Variants in CCND1 observed in about 807,000 individuals in gnomAD.
The protein encoded by CCND1 is G1/S-specific cyclin-D1.
A neutral mutation model predicts 26.1 loss-of-function variants in CCND1; 9 were observed. The observed-to-expected ratio is 0.35, with a 90% CI of 0.21 to 0.60. CCND1 has a LOEUF of 0.60. Among genes scored for constraint, CCND1 ranks in the 20% least tolerant of loss-of-function variants. The probability of loss-of-function intolerance (pLI) is 0.79; values close to 1 mark genes in which losing one functional copy is unlikely to be tolerated. For missense variants in CCND1, 335 were observed against 392.9 expected (o/e 0.85, Z 1.25); for synonymous variants, 194 against 166.1 (o/e 1.17, Z -1.29).
At chr11:69,647,333 C>T (rs1416505094) in intron 3 of CCND1, among the ~76,000 whole-genome samples, 2 of 152,066 alleles carry the variant, frequency 1.3e-5, no homozygotes, top group South Asian at 2.1e-4. Context: ...GCTGGAAGAG[C>T]TCTTCCTTCC....
intron 4 of CCND1, 42 bp downstream of exon 4, chr11:69,648,184 CA>C (rs773381395): frequency 1.2e-6 from 2 of 1,608,882 alleles, no homozygotes; most frequent in South Asian, 1.1e-5. Context: ...CCGGGGCTTA[CA>C]GGGGGAGACA....
In CCND1 at chr11:69,641,322, C is replaced by G; in HGVS notation, c.9C>G (p.His3Gln). The G allele has an allele frequency of 2.5e-6, 4 of 1,612,024 alleles. No individual in the cohort carries two copies. Among genetic ancestry groups the G allele is most frequent in the Non-Finnish European group, 1.7e-6 (2 of 1,179,958 alleles). Residue 3 changes from histidine (H) to glutamine (Q), a missense_variant, in exon 1 of 5, where the codon CAC becomes CAG. His to Gln is a conservative substitution (Grantham distance 24). Coordinates refer to ENST00000227507, the MANE Select transcript of CCND1 (RefSeq NM_053056.3). MEHQLLCCEVETI... is the reference protein window; with the variant it reads MEQQLLCCEVETI... ...CAGGAAGAGCCCCAGCCATGGAACA[C>G]CAGCTCCTGTGCTGCGAAGTGGAAA...
chr11:69,647,668 A>C (rs1416634305), intron 3 of CCND1, among the ~76,000 whole-genome samples: 1 of 152,248 alleles, frequency 6.6e-6, no homozygotes, highest in Non-Finnish European at 1.5e-5. Flanking sequence ...AACATTCACA[A>C]GGCTCAAGAT....
intron 3 of CCND1, 129 bp downstream of exon 3, chr11:69,644,120 A>C (rs1855749102): frequency 6.8e-6 from 6 of 881,996 alleles, no homozygotes; most frequent in East Asian, 5.3e-5. Flanking sequence ...TGCGCTGGAG[A>C]GCGCTCTTCC....
intron 2 of CCND1, 110 bp downstream of exon 2, chr11:69,643,356 C>T (rs1294014167): frequency 2.4e-6 from 2 of 832,360 alleles, no homozygotes; most frequent in Non-Finnish European, 3.5e-6. Context: ...ATATCTGCTC[C>T]TCCGAGGGAG....
Position 69,652,309 on chromosome 11 carries a change from A to G in CCND1, c.*1027A>G, listed in dbSNP as rs1276942770. 4 of 233,474 alleles carry G rather than the reference A, an allele frequency of 1.7e-5. No individual in the cohort carries two copies. Among genetic ancestry groups the G allele is most frequent in the Non-Finnish European group, 2.5e-5 (3 of 118,038 alleles). 14.5% of individuals were successfully genotyped at this position (233,474 alleles called of 1,614,324 possible). A position where few individuals can be genotyped will look rare whatever the true frequency, so the allele number is the denominator to read the frequency against. ...TTCCATTTCCAAGCACTTTCAGTCC[A>G]ATAGGTGTAGGAAATAGCGCTGTTT... On this transcript the variant is annotated 3_prime_UTR_variant, in exon 5 of 5. Coordinates refer to ENST00000227507, the MANE Select transcript of CCND1 (RefSeq NM_053056.3).
intron 4 of CCND1, among the ~76,000 whole-genome samples, chr11:69,649,537 C>T (rs772124099): frequency 3.3e-5 from 5 of 152,168 alleles, no homozygotes; most frequent in African/African-American, 4.8e-5. Context: ...TTTTCTAGGG[C>T]GTGTTCTAGA....
At chr11:69,643,637 T>G in intron 2 of CCND1, 195 bp from the exon 3 acceptor site, 1 of 537,026 alleles carries the variant, frequency 1.9e-6, no homozygotes, top group African/African-American at 1.9e-5. Flanking sequence ...TGATCTGGGA[T>G]TGCGTGTTGC....
At chr11:69,646,380 G>C (rs181726755) in intron 3 of CCND1, among the ~76,000 whole-genome samples, 2 of 152,034 alleles carry the variant, frequency 1.3e-5, no homozygotes, top group African/African-American at 4.8e-5. Context: ...CTTTCTTCCC[G>C]GCCCCTCGCC....
At position 69,653,628 on chromosome 11, in the gene CCND1, C is replaced by T. The variant is rs1467513938; in HGVS notation, c.*2346C>T. 2.3e-5 allele frequency: 10 copies of T among 444,126 alleles called. No individual in the cohort carries two copies. The highest frequency in any genetic ancestry group is 7.8e-5 in the East Asian group (2 of 25,582). The allele number at this position is 444,126 out of a possible 1,614,324, so 27.5% of individuals were successfully genotyped here. A position where few individuals can be genotyped will look rare whatever the true frequency, so the allele number is the denominator to read the frequency against. ...GAGGCCGCGTGCGTGAGAACCGCGC[C>T]GGTGTCCCCAGAGACCAGGCTGTGT... On this transcript the variant is annotated 3_prime_UTR_variant, in exon 5 of 5. Coordinates refer to ENST00000227507, the MANE Select transcript of CCND1 (RefSeq NM_053056.3).
At position 69,653,252 on chromosome 11, in the gene CCND1, G is replaced by T. The variant is rs182627279; in HGVS notation, c.*1970G>T. On this transcript the variant is annotated 3_prime_UTR_variant, in exon 5 of 5. Transcript: ENST00000227507. Reference sequence around the variant, plus strand: ...TCCATTTTCTTATTGCGCTGCTACCGTTGACTTCCAGGCACGGTTTGGAAA... The same window carrying T: ...TCCATTTTCTTATTGCGCTGCTACCTTTGACTTCCAGGCACGGTTTGGAAA... 1,130 of 701,684 alleles carry T rather than the reference G, an allele frequency of 1.6e-3. 3 individuals carry two copies. The highest frequency in any genetic ancestry group is 2.7e-3 in the Admixed American group (133 of 49,748). The allele number at this position is 701,684 out of a possible 1,614,324, so 43.5% of individuals were successfully genotyped here. A position where few individuals can be genotyped will look rare whatever the true frequency, so the allele number is the denominator to read the frequency against.
chr11:69,641,488 A>G lies in CCND1; in HGVS notation c.175A>G (p.Ile59Val), dbSNP rs2120081597. 1 of 1,613,154 alleles carries G rather than the reference A, an allele frequency of 6.2e-7. No homozygotes were observed. Among genetic ancestry groups the G allele is most frequent in the Non-Finnish European group, 8.5e-7 (1 of 1,179,962 alleles). The change falls in exon 1 of 5, where the codon ATC becomes GTC. Residue 59 changes from isoleucine (I) to valine (V), a missense_variant. Ile to Val is a conservative substitution (Grantham distance 29). Coordinates refer to ENST00000227507, the MANE Select transcript of CCND1 (RefSeq NM_053056.3). ...GGAGGTCCTGCCGTCCATGCGGAAGATCGTCGCCACCTGGATGCTGGAGGT... is the reference window on the plus strand; with the variant it reads ...GGAGGTCCTGCCGTCCATGCGGAAGGTCGTCGCCACCTGGATGCTGGAGGT... ...QKEVLPSMRK[I>V]VATWMLEVCE...
Position 69,653,738 on chromosome 11 carries a change from A to G in CCND1, c.*2456A>G, listed in dbSNP as rs1381551629. 3.4e-6 allele frequency: 1 copy of G among 290,398 alleles called. No individual in the cohort carries two copies. The highest frequency in any genetic ancestry group is 6.5e-6 in the Non-Finnish European group (1 of 154,588). 18.0% of individuals were successfully genotyped at this position (290,398 alleles called of 1,614,324 possible). ...TCATAGTAGTTTTTACAGCTGTGTT[A>G]TTCTTTGCGTGTAGCTATGGAAGTT... On this transcript the variant is annotated 3_prime_UTR_variant, in exon 5 of 5. Coordinates refer to ENST00000227507, the MANE Select transcript of CCND1 (RefSeq NM_053056.3).
intron 4 of CCND1, among the ~76,000 whole-genome samples, chr11:69,649,251 A>G (rs1157828180): frequency 6.6e-6 from 1 of 152,178 alleles, no homozygotes; most frequent in Non-Finnish European, 1.5e-5. Flanking sequence ...TCGCGTCTGC[A>G]CTTTTCATTT....
Position 69,651,241 on chromosome 11 carries a change from C to G in CCND1, c.847C>G (p.Leu283Val), listed in dbSNP as rs755753468. The change falls in exon 5 of 5, where the codon CTG becomes GTG. Residue 283 changes from leucine (L) to valine (V), a missense_variant. Coordinates refer to ENST00000227507, the MANE Select transcript of CCND1 (RefSeq NM_053056.3). ...GGAAGAGGAGGAGGAGGAGGTGGAC[C>G]TGGCTTGCACACCCACCGACGTGCG... The part of the protein sequence containing the change: ...EEEEEEEEVD[L>V]ACTPTDVRDV... The G allele has an allele frequency of 8.8e-6, 14 of 1,588,442 alleles. No individual in the cohort carries two copies. The highest frequency in any genetic ancestry group is 1.2e-5 in the Non-Finnish European group (14 of 1,165,160).
chr11:69,642,902 C>G (rs1002490314), intron 1 of CCND1, 129 bp from the exon 2 acceptor site: 1 of 491,162 alleles, frequency 2.0e-6, no homozygotes, highest in Non-Finnish European at 3.3e-6. Context: ...AAGCTCCTGC[C>G]GCCCCCAGCC....
At chr11:69,644,437 CTCCAGGGGCGGG>C (rs1855753590) in intron 3 of CCND1, among the ~76,000 whole-genome samples, 2 of 152,330 alleles carry the variant, frequency 1.3e-5, no homozygotes, top group South Asian at 4.1e-4. Flanking sequence ...CCAGAGGCGC[CTCCAGGGGCGGG>C]GAGAGCTGTC....
At chr11:69,644,407 C>T (rs1173913267) in intron 3 of CCND1, among the ~76,000 whole-genome samples, 1 of 152,186 alleles carries the variant, frequency 6.6e-6, no homozygotes, top group Non-Finnish European at 1.5e-5. Context: ...CTCCTGGCCT[C>T]TCCCAGGCTG....
intron 3 of CCND1, among the ~76,000 whole-genome samples, chr11:69,645,358 A>G (rs1022846510): frequency 6.6e-6 from 1 of 152,180 alleles, no homozygotes; most frequent in African/African-American, 2.4e-5. Context: ...GGGTGGCTCC[A>G]GCAGTGGAGC....
Sources: gnomAD v4.1 joint callset for allele counts (sites outside exome capture counted in the v4.1 genomes callset) on GRCh38, gnomAD v4.1.1 for gene constraint, MANE v1.5 for transcripts, NCBI Gene and HGNC (gene_info 2026-07-23, HGNC 2026-07-21) for gene names.